MROH2B: variants seen among roughly 807,000 people sequenced by gnomAD.
The protein encoded by MROH2B is maestro heat like repeat family member 2B, also known as maestro heat-like repeat-containing protein family member 2B.
In MROH2B, 177 loss-of-function variants were observed where a neutral mutation model predicts 208.6. The observed-to-expected ratio is 0.85, with a 90% CI of 0.75 to 0.96. MROH2B has a LOEUF of 0.96. Among genes scored for constraint, MROH2B ranks in the 40% least tolerant of loss-of-function variants. MROH2B has a pLI of 0.00. For missense variants in MROH2B, 2,002 were observed against 1,878.7 expected (o/e 1.07, Z -1.21); for synonymous variants, 728 against 659.0 (o/e 1.10, Z -1.60).
chr5:41,007,422 G>A lies in MROH2B; in HGVS notation c.3641C>T (p.Ala1214Val), dbSNP rs374508939. The A allele has an allele frequency of 3.2e-6, 5 of 1,576,486 alleles. No individual in the cohort carries two copies. In the African/African-American group the frequency reaches 5.4e-5, roughly 17 times the overall value. The stretch of plus-strand genomic sequence containing the variant: ...TGCAAGGCCTTCTCTCATGGCTTGG[G>A]CTTGCAAACATTTTAAAGTAGCAGT... ...LSTATLKCLQ[A>V]QAMREGLAKE... Residue 1214 changes from alanine to valine, a missense_variant, in exon 34 of 42, where the codon GCC (alanine) becomes GTC (valine). Physicochemically the swap from Ala to Val is moderately conservative, Grantham distance 64. Coordinates refer to ENST00000399564, the MANE Select transcript of MROH2B (RefSeq NM_173489.5).
Position 41,007,381 on chromosome 5 carries a change from C to T in MROH2B, c.3682G>A (p.Gly1228Arg). 6.4e-7 allele frequency: 1 copy of T among 1,552,916 alleles called. No individual in the cohort carries two copies. The highest frequency in any genetic ancestry group is 1.4e-5 in the African/African-American group (1 of 73,506). The change falls in exon 34 of 42, where the codon GGG (glycine) becomes AGG (arginine). Residue 1228 changes from glycine to arginine, a missense_variant. Transcript: ENST00000399564. ...REGLAKESDE[G>R]DNLWTLLSSP... ...CTGAGTAGAGTCCATAAGTTGTCCCCCTCATCAGATTCCTTTGCAAGGCCT... is the reference window on the plus strand; with the variant it reads ...CTGAGTAGAGTCCATAAGTTGTCCCTCTCATCAGATTCCTTTGCAAGGCCT...
In MROH2B at chr5:41,042,127, G is replaced by A. The variant is rs1251187209; in HGVS notation, c.1918C>T (p.Leu640=). The A allele has an allele frequency of 1.3e-6, 2 of 1,595,852 alleles. No homozygotes were observed. The highest frequency in any genetic ancestry group is 1.7e-6 in the Non-Finnish European group (2 of 1,170,444). The change falls in exon 19 of 42, where the codon CTG becomes TTG. Residue 640 remains leucine (L), a synonymous_variant. Coordinates refer to ENST00000399564, the MANE Select transcript of MROH2B (RefSeq NM_173489.5). Reference sequence around the variant, plus strand: ...TCCCCCAGTTGGTTGGGAGCAGTCAGAAACTCCTTAATCTGTGAGTTTACA... The same window carrying A: ...TCCCCCAGTTGGTTGGGAGCAGTCAAAAACTCCTTAATCTGTGAGTTTACA... ...DFVNSQIKEF[L]TAPNQLGDQR... is the part of the protein sequence containing the mutation.
At chr5:41,051,711 G>C (rs773953153) in intron 12 of MROH2B, among the ~76,000 whole-genome samples, 4 of 152,182 alleles carry the variant, frequency 2.6e-5, no homozygotes, top group Non-Finnish European at 5.9e-5. Flanking sequence ...CAGTGAGAAA[G>C]CACCATCTGT....
intron 2 of MROH2B, among the ~76,000 whole-genome samples, chr5:41,068,804 G>A (rs143337356): frequency 1.1e-3 from 172 of 152,254 alleles, no homozygotes; most frequent in East Asian, 5.8e-3. Flanking sequence ...GTTTTCAACC[G>A]TACCTAAATG....
chr5:41,052,229 T>G (rs1402286252), intron 12 of MROH2B, among the ~76,000 whole-genome samples: 1 of 148,710 alleles, frequency 6.7e-6, no homozygotes, highest in Non-Finnish European at 1.5e-5. Context: ...AAAAAAGAAC[T>G]GAGAAAACTA....
chr5:41,006,944 A>AT (rs1741613684), intron 34 of MROH2B, among the ~76,000 whole-genome samples: 3 of 152,198 alleles, frequency 2.0e-5, no homozygotes, highest in Admixed American at 2.0e-4. Context: ...GAACTTATTC[A>AT]TGTAATCAAA....
Position 41,050,957 on chromosome 5 carries a change from G to T in MROH2B, c.1344+20C>A, listed in dbSNP as rs1186651769. On this transcript the variant is annotated intron_variant, in intron 13 of 41. Coordinates refer to ENST00000399564, the MANE Select transcript of MROH2B (RefSeq NM_173489.5). The stretch of plus-strand genomic sequence containing the variant: ...GAAGGTGATCAAAGTAACTGTAAGT[G>T]GTGACAAAAGACCACTTACCTGAGG... 2.7e-6 allele frequency: 4 copies of T among 1,477,962 alleles called. No individual in the cohort carries two copies. The highest frequency in any genetic ancestry group is 1.4e-5 in the African/African-American group (1 of 69,958). The allele number at this position is 1,477,962 out of a possible 1,614,324, so 91.6% of individuals were successfully genotyped here. A position where few individuals can be genotyped will look rare whatever the true frequency, so the allele number is the denominator to read the frequency against.
At chr5:41,027,713 A>T (rs1274148215) in intron 24 of MROH2B, among the ~76,000 whole-genome samples, 1 of 152,228 alleles carries the variant, frequency 6.6e-6, no homozygotes, top group Non-Finnish European at 1.5e-5. Context: ...ATTATAAATC[A>T]TGCTGCTATA....
chr5:41,002,683 G>A (rs1741435003), intron 37 of MROH2B, among the ~76,000 whole-genome samples: 1 of 152,178 alleles, frequency 6.6e-6, no homozygotes, highest in Non-Finnish European at 1.5e-5. Context: ...TATTAGAGAT[G>A]AGCAAGGTCT....
At chr5:41,018,862 T>A (rs1208120853) in intron 25 of MROH2B, 21 bp downstream of exon 25, 1 of 1,613,836 alleles carries the variant, frequency 6.2e-7, no homozygotes, top group Non-Finnish European at 8.5e-7. Flanking sequence ...GTCATCCTAC[T>A]TAGGCCTCAC....
In MROH2B at chr5:41,045,827, G is replaced by C. The variant is rs1743102132; in HGVS notation, c.1755C>G (p.Ile585Met). 4 of 1,612,982 alleles carry C rather than the reference G, an allele frequency of 2.5e-6. No individual in the cohort carries two copies. The African/African-American group carries it at 4.0e-5, about 16-fold the overall frequency. Residue 585 changes from isoleucine (I) to methionine (M), a missense_variant, in exon 18 of 42, where the codon ATC becomes ATG. Coordinates refer to ENST00000399564, the MANE Select transcript of MROH2B (RefSeq NM_173489.5). The part of the protein sequence containing the change: ...LQLLKESLWK[I>M]SDVAWTIQLT... ...GCTGAATGGTCCAGGCCACATCACT[G>C]ATCTTCCATAAGGATTCTTTGAGCA... is the stretch of plus-strand genomic sequence containing the variant.
In MROH2B at chr5:41,005,511, T is replaced by C. The variant is rs1156278473; in HGVS notation, c.3864+20A>G. ...CTATGGGGACCCAGTGAGTGTGCTC[T>C]GAGGGCTGTTCTCCCTTGCCTCAGA... On this transcript the variant is annotated intron_variant, in intron 35 of 41. Transcript: ENST00000399564. 1 of 1,470,016 alleles carries C rather than the reference T, an allele frequency of 6.8e-7. No individual in the cohort carries two copies. Among genetic ancestry groups the C allele is most frequent in the Non-Finnish European group, 9.2e-7 (1 of 1,090,738 alleles). The allele number at this position is 1,470,016 out of a possible 1,614,324, so 91.1% of individuals were successfully genotyped here.
chr5:41,054,915 A>G, intron 10 of MROH2B, 75 bp from the exon 11 acceptor site: 1 of 1,030,650 alleles, frequency 9.7e-7, no homozygotes, highest in Non-Finnish European at 1.4e-6. Flanking sequence ...ATGAAAAGCT[A>G]TTAGAATTAT....
chr5:41,001,483 G>A (rs918220197), intron 37 of MROH2B, among the ~76,000 whole-genome samples: 2 of 152,282 alleles, frequency 1.3e-5, no homozygotes, highest in Non-Finnish European at 2.9e-5. Context: ...AGCAGAGGCA[G>A]GCAGATCACC....
chr5:41,040,402 C>A (rs1279036950), intron 19 of MROH2B, among the ~76,000 whole-genome samples: 1 of 152,174 alleles, frequency 6.6e-6, no homozygotes, highest in Non-Finnish European at 1.5e-5. Flanking sequence ...ATCATGAAAA[C>A]TCGTAGACTA....
At chr5:41,012,858 T>C (rs1355823364) in intron 29 of MROH2B, 123 bp from the exon 30 acceptor site, 3 of 1,209,384 alleles carry the variant, frequency 2.5e-6, no homozygotes, top group Non-Finnish European at 3.5e-6. Context: ...ACAGTTTTGA[T>C]TGAGGCCACA....
At chr5:41,000,075 T>C in intron 39 of MROH2B, 145 bp downstream of exon 39, 1 of 1,076,568 alleles carries the variant, frequency 9.3e-7, no homozygotes, top group Non-Finnish European at 1.3e-6. Context: ...TGTCACTATA[T>C]CCTGTGAAAT....
chr5:40,998,610 A>C lies in MROH2B; in HGVS notation c.4651+2T>G. 6.3e-7 allele frequency: 1 copy of C among 1,593,346 alleles called. No homozygotes were observed. Among genetic ancestry groups the C allele is most frequent in the Non-Finnish European group, 8.6e-7 (1 of 1,168,520 alleles). On this transcript the variant is annotated splice_donor_variant, in intron 41 of 41. Transcript: ENST00000399564. LOFTEE classifies it high-confidence loss of function. The stretch of plus-strand genomic sequence containing the variant: ...CTGGGAAGAAACTAGGTTGGTACTC[A>C]CGTGTGGTCAGTTGTTCTCTGTCTA...
rs1454540424 is a variant in MROH2B, at chr5:41,033,071, G to C, written c.2331C>G (p.Ser777=). The C allele has an allele frequency of 6.2e-7, 1 of 1,612,922 alleles. No homozygotes were observed. Among genetic ancestry groups the C allele is most frequent in the Non-Finnish European group, 8.5e-7 (1 of 1,179,292 alleles). ...QDAEDQGFQF[S]YKEMLIGYML... ...TGTAACCAATCAGCATCTCCTTGTAGGAAAACTGGAACCCCTGATCCTCAG... is the reference window on the plus strand; with the variant it reads ...TGTAACCAATCAGCATCTCCTTGTACGAAAACTGGAACCCCTGATCCTCAG... Residue 777 remains serine (S), a synonymous_variant, in exon 23 of 42, where the codon TCC becomes TCG. Coordinates refer to ENST00000399564, the MANE Select transcript of MROH2B (RefSeq NM_173489.5).
Sources: allele counts gnomAD v4.1 joint callset (sites outside exome capture counted in the v4.1 genomes callset), GRCh38; gene constraint gnomAD v4.1.1; transcripts MANE v1.5; gene names NCBI Gene and HGNC (gene_info 2026-07-23, HGNC 2026-07-21).